TRIO: variants seen among roughly 807,000 people sequenced by gnomAD.
TRIO encodes the protein triple functional domain protein.
TRIO carries 58 observed loss-of-function variants against 351.9 expected under a neutral mutation model. That is an observed-to-expected ratio of 0.16 (90% CI 0.13 to 0.21). The LOEUF is 0.21. TRIO is among the 10% of genes least tolerant of loss of function. The pLI is 1.00. For synonymous variants in TRIO, 1,758 were observed against 1,595.7 expected (o/e 1.10, Z -2.42); for missense variants, 3,201 against 4,027.8 (o/e 0.79, Z 5.56).
chr5:14,396,807 A>G (rs921507304), intron 28 of TRIO, among the ~76,000 whole-genome samples: 2 of 152,134 alleles, frequency 1.3e-5, no homozygotes, highest in African/African-American at 2.4e-5. Flanking sequence ...GTTAACAGGT[A>G]TACTAATTTC....
intron 33 of TRIO, 65 bp from the exon 34 acceptor site, chr5:14,419,713 G>T (rs1174369195): frequency 1.9e-6 from 3 of 1,583,038 alleles, no homozygotes; most frequent in Non-Finnish European, 2.6e-6. Flanking sequence ...GGACTTCCCA[G>T]CTGTACCTGA....
At chr5:14,416,960 G>A (rs1410172715) in intron 33 of TRIO, among the ~76,000 whole-genome samples, 2 of 152,216 alleles carry the variant, frequency 1.3e-5, no homozygotes, top group Admixed American at 6.5e-5. Flanking sequence ...TCACTGGGGA[G>A]CTCTAGCCAG....
At chr5:14,494,532 T>C (rs749617984) in intron 49 of TRIO, among the ~76,000 whole-genome samples, 2 of 152,246 alleles carry the variant, frequency 1.3e-5, no homozygotes, top group African/African-American at 4.8e-5. Flanking sequence ...GTTGTTTTCT[T>C]GCCTGCTAAG....
rs777264724 is a variant in TRIO, at chr5:14,502,562, T to G, written c.8333-17T>G. 1 of 1,613,892 alleles carries G rather than the reference T, an allele frequency of 6.2e-7. No individual in the cohort carries two copies. Among genetic ancestry groups the G allele is most frequent in the African/African-American group, 1.3e-5 (1 of 75,036 alleles). ...TCCACGGGAAACAAGCTCAGGCAGG[T>G]GCTGTTCTTCTTGCAGGTCCAGGGA... On this transcript the variant is annotated splice_polypyrimidine_tract_variant and intron_variant, in intron 53 of 56. Coordinates refer to ENST00000344204, the MANE Select transcript of TRIO (RefSeq NM_007118.4).
intron 8 of TRIO, among the ~76,000 whole-genome samples, chr5:14,311,118 C>G (rs527966762): frequency 9.2e-5 from 14 of 152,334 alleles, no homozygotes; most frequent in Admixed American, 9.1e-4. Flanking sequence ...TCTTCTCACC[C>G]CAAACTCAGC....
At chr5:14,217,716 C>G (rs1318916736) in intron 1 of TRIO, among the ~76,000 whole-genome samples, 1 of 152,146 alleles carries the variant, frequency 6.6e-6, no homozygotes, top group Non-Finnish European at 1.5e-5. Context: ...GTGTGTGGCA[C>G]TTGCTGCAGC....
At chr5:14,462,016 G>A (rs1753856572) in intron 35 of TRIO, among the ~76,000 whole-genome samples, 1 of 152,206 alleles carries the variant, frequency 6.6e-6, no homozygotes, top group Non-Finnish European at 1.5e-5. Flanking sequence ...TTCAGCACTG[G>A]TGGTGTCAAT....
intron 13 of TRIO, among the ~76,000 whole-genome samples, chr5:14,363,069 G>A (rs976606822): frequency 2.7e-5 from 4 of 147,616 alleles, no homozygotes; most frequent in African/African-American, 1.0e-4. Flanking sequence ...TGCCATCTCA[G>A]CTTACTGCAA....
intron 10 of TRIO, among the ~76,000 whole-genome samples, chr5:14,331,940 G>A (rs954874473): frequency 2.0e-5 from 3 of 152,138 alleles, no homozygotes; most frequent in Non-Finnish European, 2.9e-5. Context: ...CTTTTCATGC[G>A]AAGCTTTTTG....
intron 40 of TRIO, 30 bp downstream of exon 40, chr5:14,474,127 G>A (rs778897442): frequency 6.3e-7 from 1 of 1,592,424 alleles, no homozygotes; most frequent in East Asian, 2.2e-5. Context: ...GCCCGATGGT[G>A]TGCAAAGCAG....
intron 55 of TRIO, 144 bp downstream of exon 55, chr5:14,504,737 C>T (rs1032443959): frequency 2.9e-5 from 31 of 1,054,564 alleles, no homozygotes; most frequent in South Asian, 1.3e-4. Flanking sequence ...TGTCAGAGCC[C>T]GCAGTTTTCA....
Position 14,206,186 on chromosome 5 carries a change from G to T in TRIO, c.157+62304G>T, listed in dbSNP as rs527774847. Reference sequence around the variant, plus strand: ...AGTGATCCTTCCACCTCAGCCTCCTGTGTATCTGGGACCATGGCATCGCAC... The same window carrying T: ...AGTGATCCTTCCACCTCAGCCTCCTTTGTATCTGGGACCATGGCATCGCAC... On this transcript the variant is annotated intron_variant, in intron 1 of 56. Transcript: ENST00000344204. Among the ~76,000 whole-genome samples the T allele has an allele frequency of 2.6e-5, 4 of 152,256 alleles. No individual in the cohort carries two copies. In the East Asian group the frequency reaches 7.7e-4, roughly 29 times the overall value.
intron 11 of TRIO, among the ~76,000 whole-genome samples, chr5:14,357,631 C>T (rs7705844): frequency 2.0e-5 from 3 of 151,994 alleles, no homozygotes; most frequent in Admixed American, 6.5e-5. Context: ...GGCCTGGGCT[C>T]GTGCCGTCAC....
chr5:14,305,035 C>T (rs761330826), intron 8 of TRIO, among the ~76,000 whole-genome samples: 1 of 152,156 alleles, frequency 6.6e-6, no homozygotes, highest in African/African-American at 2.4e-5. Flanking sequence ...GGGTGTATTA[C>T]ATTATTTACT....
At chr5:14,321,628 G>A (rs192970189) in intron 9 of TRIO, among the ~76,000 whole-genome samples, 1 of 152,332 alleles carries the variant, frequency 6.6e-6, no homozygotes, top group Admixed American at 6.5e-5. Context: ...GCAGTGGAGG[G>A]TGGATAGCAG....
intron 48 of TRIO, chr5:14,488,499 C>CG (rs534802614): frequency 5.9e-4 from 342 of 575,108 alleles, no homozygotes; most frequent in Non-Finnish European, 9.0e-4. Flanking sequence ...CTCAACGCAG[C>CG]GTCTTTTGGT....
At chr5:14,467,531 T>C (rs1024810220) in intron 37 of TRIO, among the ~76,000 whole-genome samples, 1 of 152,172 alleles carries the variant, frequency 6.6e-6, no homozygotes, top group Non-Finnish European at 1.5e-5. Context: ...GATTTTGGAA[T>C]CAGGCCTGGT....
At chr5:14,444,288 A>G (rs1752280190) in intron 34 of TRIO, among the ~76,000 whole-genome samples, 1 of 152,254 alleles carries the variant, frequency 6.6e-6, no homozygotes, top group Admixed American at 6.5e-5. Flanking sequence ...CAGTACATGG[A>G]ATATTCAGTT....
intron 1 of TRIO, among the ~76,000 whole-genome samples, chr5:14,254,652 C>T (rs1393518686): frequency 6.6e-6 from 1 of 152,216 alleles, no homozygotes; most frequent in Admixed American, 6.5e-5. Flanking sequence ...CACCCTCCTC[C>T]TCCTGTTTCT....
Sources: gnomAD v4.1 joint callset for allele counts (sites outside exome capture counted in the v4.1 genomes callset) on GRCh38, gnomAD v4.1.1 for gene constraint, MANE v1.5 for transcripts, NCBI Gene and HGNC (gene_info 2026-07-23, HGNC 2026-07-21) for gene names.